LCORL: variants seen among roughly 807,000 people sequenced by gnomAD.
LCORL encodes ligand dependent nuclear receptor corepressor like.
LCORL carries 41 observed loss-of-function variants against 141.8 expected under a neutral mutation model. That is an observed-to-expected ratio of 0.29 (90% CI 0.23 to 0.38). LCORL has a LOEUF of 0.38. Ranked by LOEUF, LCORL falls within the 10% of genes least tolerant of loss-of-function variation. The pLI is 1.00. For synonymous variants in LCORL, 618 were observed against 694.1 expected, an observed-to-expected ratio of 0.89 and a Z score of 1.72; for missense variants, 1,759 against 2,035.0, an observed-to-expected ratio of 0.86 and a Z score of 2.61.
chr4:17,904,062 A>G (rs1354228336), intron 5 of LCORL, among the ~76,000 whole-genome samples: 4 of 152,176 alleles, frequency 2.6e-5, no homozygotes, highest in Non-Finnish European at 5.9e-5. Flanking sequence ...TAAAAAAAAT[A>G]TAAAACAATG....
exon 7 of LCORL, chr4:17,873,836 A>G: frequency 1.6e-6 from 2 of 1,233,984 alleles, no homozygotes; most frequent in South Asian, 8.2e-5. Flanking sequence ...TTGACCTCCA[A>G]CTATTAGGAC....
chr4:17,884,179 A>C lies in LCORL; in HGVS notation c.776+1889T>G. 1 of 1,550,440 alleles carries C rather than the reference A, an allele frequency of 6.4e-7. No individual in the cohort carries two copies. Among genetic ancestry groups the C allele is most frequent in the South Asian group, 1.2e-5 (1 of 83,964 alleles). On this transcript the variant is annotated intron_variant, in intron 6 of 7. Coordinates refer to ENST00000635767, the Ensembl canonical transcript of LCORL. The surrounding 1 kb of genome is among the most constrained non-coding windows in gnomAD (Gnocchi z 4.4). ...GGAGTATATTTTTCAGTTTTTGGAG[A>C]GCTGATCCTTCTAGGACTGAAGAGG...
chr4:17,874,391 T>C (rs762300144), exon 7 of LCORL: 345 of 1,233,774 alleles, frequency 2.8e-4, no homozygotes, highest in Non-Finnish European at 3.4e-4. Context: ...CCCTGGTATT[T>C]ATTACTTCCA....
exon 8 of LCORL, chr4:17,844,459 T>C (rs1722730546): frequency 6.6e-6 from 1 of 152,440 alleles, no homozygotes; most frequent in Admixed American, 6.6e-5. Flanking sequence ...TAAAGTAAGA[T>C]CACTGGTTTT....
intron 1 of LCORL, among the ~76,000 whole-genome samples, chr4:18,019,957 G>GT (rs970287447): frequency 5.3e-5 from 8 of 151,364 alleles, no homozygotes; most frequent in South Asian, 4.2e-4. Flanking sequence ...ATACCTAGAG[G>GT]TTTTTTTTTA....
intron 7 of LCORL, among the ~76,000 whole-genome samples, chr4:17,872,107 C>CA (rs1234081706): frequency 6.6e-6 from 1 of 151,768 alleles, no homozygotes; most frequent in East Asian, 1.9e-4. Context: ...CCCAACCCCC[C>CA]CAAAAACACC....
chr4:17,872,361 T>C (rs994741092), intron 7 of LCORL, among the ~76,000 whole-genome samples: 2 of 152,090 alleles, frequency 1.3e-5, no homozygotes, highest in Admixed American at 6.6e-5. Context: ...ACTGGAAGAA[T>C]TGTCTTGGGC....
At chr4:17,887,319 T>C (rs1300832558) in intron 5 of LCORL, among the ~76,000 whole-genome samples, 1 of 152,036 alleles carries the variant, frequency 6.6e-6, no homozygotes, top group African/African-American at 2.4e-5. Context: ...CCAGCACCAC[T>C]ACCACCAGCA....
At chr4:17,952,289 A>AC (rs1442631212) in intron 4 of LCORL, among the ~76,000 whole-genome samples, 1 of 152,062 alleles carries the variant, frequency 6.6e-6, no homozygotes, top group Non-Finnish European at 1.5e-5. Context: ...CTGCATTCTC[A>AC]CCTACTATAC....
intron 5 of LCORL, among the ~76,000 whole-genome samples, chr4:17,899,893 CAAAT>C (rs1730616641): frequency 6.6e-6 from 1 of 151,994 alleles, no homozygotes; most frequent in African/African-American, 2.4e-5. Context: ...GTATATGAAA[CAAAT>C]GAATTTTCTG....
chr4:17,864,115 C>T (rs1725333892), intron 7 of LCORL, among the ~76,000 whole-genome samples: 1 of 151,968 alleles, frequency 6.6e-6, no homozygotes, highest in African/African-American at 2.4e-5. Context: ...CATATGTACC[C>T]CTGAACCAAA....
At chr4:17,888,606 T>A (rs1728636579) in intron 5 of LCORL, among the ~76,000 whole-genome samples, 1 of 152,146 alleles carries the variant, frequency 6.6e-6, no homozygotes, top group Non-Finnish European at 1.5e-5. Flanking sequence ...GTGGACAGCA[T>A]CCTATAATAC....
chr4:17,848,136 G>C (rs767555313), intron 7 of LCORL, among the ~76,000 whole-genome samples: 13 of 151,990 alleles, frequency 8.6e-5, no homozygotes, highest in Non-Finnish European at 1.8e-4. Context: ...TCCCACAGGT[G>C]CACAAAACTA....
At chr4:17,960,637 G>A (rs7670435) in intron 4 of LCORL, among the ~76,000 whole-genome samples, 36,147 of 151,920 alleles carry the variant, frequency 0.24, 5,480 homozygotes, top group African/African-American at 0.43. Flanking sequence ...TAAAATTATT[G>A]TTTTAAAGAG....
intron 6 of LCORL, chr4:17,883,222 G>C (rs1727810653): frequency 1.0e-6 from 1 of 982,930 alleles, no homozygotes; most frequent in Non-Finnish European, 1.2e-6. Flanking sequence ...ATTTTTCTTA[G>C]TATGGAGATA....
In LCORL at chr4:17,973,447, A is replaced by C. The variant is rs1412801801; in HGVS notation, c.155-562T>G. Among the ~76,000 whole-genome samples the C allele has an allele frequency of 2.0e-5, 3 of 151,890 alleles. No homozygotes were observed. The East Asian group carries it at 5.8e-4, about 29-fold the overall frequency. On this transcript the variant is annotated intron_variant, in intron 1 of 7. Transcript: ENST00000635767. ...AAAAAAATTACTGAAAATCTTACCAAGTTAACAAAACCCTAGTTTATGCAT... is the reference window on the plus strand; with the variant it reads ...AAAAAAATTACTGAAAATCTTACCACGTTAACAAAACCCTAGTTTATGCAT...
At chr4:17,916,967 C>G (rs905378688) in intron 4 of LCORL, among the ~76,000 whole-genome samples, 1 of 151,818 alleles carries the variant, frequency 6.6e-6, no homozygotes, top group African/African-American at 2.4e-5. Flanking sequence ...TACTCAACCT[C>G]AGGTATTTCT....
At chr4:17,843,457 T>TATG in exon 8 of LCORL, 1 of 1,602,124 alleles carries the variant, frequency 6.2e-7, no homozygotes, top group Admixed American at 1.7e-5. Flanking sequence ...CCTTTAAGAT[T>TATG]ATGTCCAGTT....
At position 17,923,920 on chromosome 4, in the gene LCORL, A is replaced by T. The variant is rs180957735; in HGVS notation, c.431-14575T>A. 5.3e-5 allele frequency among the ~76,000 whole-genome samples: 8 copies of T among 151,788 alleles called. No individual in the cohort carries two copies. The East Asian group carries it at 1.6e-3, about 30-fold the overall frequency. Reference sequence around the variant, plus strand: ...TCCCAATCATGATTCTTCCAAGTCCATGCAGTGTGGGCTTTCCCTTCCAAG... The same window carrying T: ...TCCCAATCATGATTCTTCCAAGTCCTTGCAGTGTGGGCTTTCCCTTCCAAG... On this transcript the variant is annotated intron_variant, in intron 4 of 7. Coordinates refer to ENST00000635767, the Ensembl canonical transcript of LCORL.
Sources: allele counts gnomAD v4.1 joint callset (sites outside exome capture counted in the v4.1 genomes callset), GRCh38; gene constraint gnomAD v4.1.1; non-coding constraint Gnocchi (gnomAD v3.1); transcripts MANE v1.5; gene names NCBI Gene and HGNC (gene_info 2026-07-23, HGNC 2026-07-21).